The following AFG2A variants were observed in gnomAD, a reference collection of about 807,000 sequenced individuals.
The protein encoded by AFG2A is ATPase family gene 2 protein homolog A.
chr4:123,226,445 C>T, the AFG2A span, among the ~76,000 whole-genome samples: 1 of 152,082 alleles, frequency 6.6e-6, no homozygotes, highest in Admixed American at 6.6e-5. Flanking sequence ...TTGTCAAAGG[C>T]CTTTTCTGCA....
the AFG2A span, among the ~76,000 whole-genome samples, chr4:123,144,745 G>A: frequency 6.6e-6 from 1 of 152,080 alleles, no homozygotes; most frequent in African/African-American, 2.4e-5. Flanking sequence ...TGACCTCAAA[G>A]AACCTGTGTT....
the AFG2A span, among the ~76,000 whole-genome samples, chr4:123,208,017 A>G: frequency 5.4e-4 from 82 of 152,250 alleles, 1 homozygote; most frequent in African/African-American, 1.9e-3. Flanking sequence ...TCACTTTGCA[A>G]TTTCAAAACT....
At chr4:123,065,872 G>T in the AFG2A span, among the ~76,000 whole-genome samples, 5 of 152,056 alleles carry the variant, frequency 3.3e-5, no homozygotes, top group Admixed American at 6.6e-5. Flanking sequence ...ATAGGGAAAT[G>T]ATTTATTCTG....
chr4:123,290,949 C>A, the AFG2A span, among the ~76,000 whole-genome samples: 2 of 152,098 alleles, frequency 1.3e-5, no homozygotes, highest in African/African-American at 4.8e-5. Flanking sequence ...GGTCTAAGAG[C>A]ATTTGTTTTA....
chr4:123,008,863 A>G, the AFG2A span, among the ~76,000 whole-genome samples: 1 of 152,214 alleles, frequency 6.6e-6, no homozygotes, highest in Admixed American at 6.5e-5. Context: ...TTTGGTATAA[A>G]GTTTTCTTTA....
chr4:122,989,796 G>A, the AFG2A span, among the ~76,000 whole-genome samples: 8 of 152,136 alleles, frequency 5.3e-5, no homozygotes, highest in African/African-American at 1.7e-4. Flanking sequence ...CAGAGGTTGG[G>A]GGTGGGATGA....
chr4:123,182,574 A>AT, the AFG2A span, among the ~76,000 whole-genome samples: 3 of 152,146 alleles, frequency 2.0e-5, no homozygotes, highest in East Asian at 1.9e-4. Flanking sequence ...TAAATACTGC[A>AT]TTTTTTGTGC....
the AFG2A span, among the ~76,000 whole-genome samples, chr4:123,246,357 C>T: frequency 1.3e-5 from 2 of 152,138 alleles, no homozygotes; most frequent in Admixed American, 6.5e-5. Flanking sequence ...AGTTGCACTT[C>T]GTTCCTGTGC....
the AFG2A span, among the ~76,000 whole-genome samples, chr4:123,043,664 GC>G: frequency 6.6e-6 from 1 of 152,210 alleles, no homozygotes; most frequent in South Asian, 2.1e-4. Context: ...AAAAATGGGT[GC>G]CCTTTAAAAA....
the AFG2A span, among the ~76,000 whole-genome samples, chr4:123,242,093 G>A: frequency 9.2e-5 from 14 of 152,190 alleles, no homozygotes; most frequent in East Asian, 2.7e-3. Context: ...CCTCTTCAAG[G>A]AGAACTACAA....
chr4:123,254,496 T>C, the AFG2A span, among the ~76,000 whole-genome samples: 1 of 152,310 alleles, frequency 6.6e-6, no homozygotes, highest in South Asian at 2.1e-4. Flanking sequence ...TGAAGTCAAG[T>C]AGTGTAAATT....
the AFG2A span, among the ~76,000 whole-genome samples, chr4:123,149,430 A>G: frequency 6.6e-6 from 1 of 152,154 alleles, no homozygotes; most frequent in African/African-American, 2.4e-5. Context: ...TTAGCTGTCT[A>G]TAATAAAACA....
the AFG2A span, among the ~76,000 whole-genome samples, chr4:123,115,905 T>TAAA: frequency 2.6e-5 from 4 of 151,796 alleles, no homozygotes; most frequent in Non-Finnish European, 5.9e-5. Context: ...GGACATTTTT[T>TAAA]AAAAAATTTT....
At chr4:123,267,062 T>G in the AFG2A span, among the ~76,000 whole-genome samples, 1 of 152,010 alleles carries the variant, frequency 6.6e-6, no homozygotes, top group Non-Finnish European at 1.5e-5. Context: ...CATGTTCTCG[T>G]TCTTCATCCC....
At chr4:123,146,500 A>G in the AFG2A span, among the ~76,000 whole-genome samples, 1 of 152,156 alleles carries the variant, frequency 6.6e-6, no homozygotes, top group Non-Finnish European at 1.5e-5. Context: ...AGGTTCTTGT[A>G]TTCATCAGGG....
At chr4:123,210,813 T>C in the AFG2A span, among the ~76,000 whole-genome samples, 1 of 152,140 alleles carries the variant, frequency 6.6e-6, no homozygotes, top group African/African-American at 2.4e-5. Flanking sequence ...GACATTCCCA[T>C]GTAGAAAAAG....
chr4:123,045,855 C>T, the AFG2A span, among the ~76,000 whole-genome samples: 13 of 151,816 alleles, frequency 8.6e-5, no homozygotes, highest in Admixed American at 6.6e-4. Context: ...CAGCACTTTG[C>T]GGGGCTGAGA....
chr4:123,004,578 A>C, the AFG2A span, among the ~76,000 whole-genome samples: 2 of 152,352 alleles, frequency 1.3e-5, no homozygotes, highest in South Asian at 4.1e-4. Flanking sequence ...TCCTGGAATG[A>C]ACTCCACTGG....
At chr4:123,237,651 C>T in the AFG2A span, among the ~76,000 whole-genome samples, 4 of 115,422 alleles carry the variant, frequency 3.5e-5, no homozygotes, top group East Asian at 2.6e-4. Flanking sequence ...CCAGCCTGGG[C>T]GACAGAGTGA....
Sources: allele counts gnomAD v4.1 joint callset (sites outside exome capture counted in the v4.1 genomes callset), GRCh38; gene constraint gnomAD v4.1.1; transcripts MANE v1.5; gene names NCBI Gene and HGNC (gene_info 2026-07-23, HGNC 2026-07-21).